SPTBN4: variants seen among roughly 807,000 people sequenced by gnomAD.
SPTBN4 encodes the protein spectrin beta, non-erythrocytic 4, also known as spectrin beta chain, non-erythrocytic 4.
SPTBN4 carries 96 observed loss-of-function variants against 277.8 expected under a neutral mutation model. That is an observed-to-expected ratio of 0.35 (90% CI 0.29 to 0.41). The LOEUF (loss-of-function observed/expected upper bound fraction) is 0.41. Among genes scored for constraint, SPTBN4 ranks in the 10% least tolerant of loss-of-function variants. SPTBN4 has a pLI of 1.00. For missense variants in SPTBN4, 3,006 were observed against 3,595.7 expected, an observed-to-expected ratio of 0.84 and a Z score of 4.19; for synonymous variants, 1,481 against 1,580.3, an observed-to-expected ratio of 0.94 and a Z score of 1.49.
At chr19:40,556,990 T>C in intron 25 of SPTBN4, 33 bp from the exon 26 acceptor site, 1 of 1,520,674 alleles carries the variant, frequency 6.6e-7, no homozygotes, top group Non-Finnish European at 8.8e-7. Flanking sequence ...TTGCTCACTT[T>C]GCTGTACCCC....
chr19:40,498,412 TA>T (rs2080225956), intron 7 of SPTBN4, among the ~76,000 whole-genome samples: 1 of 150,500 alleles, frequency 6.6e-6, no homozygotes, highest in African/African-American at 2.4e-5. Flanking sequence ...TTTATTTATT[TA>T]TTTATTTTTT....
rs1459724034 is a variant in SPTBN4 at position 40,525,117 on chromosome 19, C to G, written c.3857+1478C>G. 5.3e-5 allele frequency among the ~76,000 whole-genome samples: 8 copies of G among 152,080 alleles called. No individual in the cohort carries two copies. In the East Asian group the frequency reaches 1.5e-3, roughly 29 times the overall value. On this transcript the variant is annotated intron_variant, in intron 17 of 35. Transcript: ENST00000598249. Reference sequence around the variant, plus strand: ...TCCCATCTCCTGACAGAAAGCATCCCTGGTCACTTCACTGTGCCACCCCCA... The same window carrying G: ...TCCCATCTCCTGACAGAAAGCATCCGTGGTCACTTCACTGTGCCACCCCCA...
intron 13 of SPTBN4, among the ~76,000 whole-genome samples, chr19:40,511,190 G>T (rs1040097028): frequency 3.3e-5 from 5 of 151,982 alleles, no homozygotes; most frequent in Admixed American, 1.3e-4. Context: ...CGGATCATGA[G>T]GTCAGGAGTT....
rs71173651 is a variant in SPTBN4 at position 40,551,399 on chromosome 19, T to TCACA, written c.4674+1090_4674+1093dup. The stretch of plus-strand genomic sequence containing the variant: ...ATGAGACCCTATCTCTCTCTCTCTC[T>TCACA]CACACACACACACACACACACGTCC... On this transcript the variant is annotated intron_variant, in intron 22 of 35. Coordinates refer to ENST00000598249, the MANE Select transcript of SPTBN4 (RefSeq NM_020971.3). Among the ~76,000 whole-genome samples the TCACA allele has an allele frequency of 2.3e-3, 322 of 140,584 alleles. 1 individual carries two copies. The highest frequency in any genetic ancestry group is 7.9e-3 in the African/African-American group (308 of 38,800). 92.2% of individuals were successfully genotyped at this position (140,584 alleles called of 152,430 possible).
rs113715245 is a variant in SPTBN4 at position 40,511,249 on chromosome 19, C to CA, written c.1817-1348dup. On this transcript the variant is annotated intron_variant, in intron 13 of 35. Transcript: ENST00000598249. ...CGAAACCCCATCTCTACTAAAAATA[C>CA]AAAAAAAAATTAGCTGGACATGGTG... Among the ~76,000 whole-genome samples the CA allele has an allele frequency of 2.5e-3, 384 of 150,772 alleles. 3 individuals carry two copies. Among genetic ancestry groups the CA allele is most frequent in the Admixed American group, 4.2e-3 (64 of 15,122 alleles).
chr19:40,565,609 G>T (rs778183970), intron 28 of SPTBN4, 48 bp downstream of exon 28: 1 of 1,583,244 alleles, frequency 6.3e-7, no homozygotes, highest in Non-Finnish European at 8.6e-7. Context: ...GCACATTGGG[G>T]TGGAAGCCAT....
At chr19:40,477,337 C>T (rs1003729039) in intron 2 of SPTBN4, among the ~76,000 whole-genome samples, 5 of 152,296 alleles carry the variant, frequency 3.3e-5, no homozygotes, top group African/African-American at 1.2e-4. Context: ...GTGTGAACCA[C>T]TGGAATTTAT....
chr19:40,566,879 C>G (rs1192205776), intron 30 of SPTBN4, among the ~76,000 whole-genome samples: 1 of 151,608 alleles, frequency 6.6e-6, no homozygotes, highest in Non-Finnish European at 1.5e-5. Flanking sequence ...GCAGGATAAT[C>G]ACTTGAACTT....
intron 20 of SPTBN4, among the ~76,000 whole-genome samples, chr19:40,535,772 A>C (rs1440741786): frequency 6.6e-6 from 1 of 152,026 alleles, no homozygotes; most frequent in Non-Finnish European, 1.5e-5. Context: ...CTCTACTAAA[A>C]ACACACACAA....
rs1464093058 is a variant in SPTBN4 at position 40,554,220 on chromosome 19, C to G, written c.4748C>G (p.Ser1583Trp). The part of the protein sequence containing the change: ...EVLERAGALA[S>W]LRSPEAEAVR... ...CTGGAGCGCGCGGGCGCGCTGGCGT[C>G]GCTGCGCAGCCCGGAGGCAGAGGCA... Residue 1583 changes from serine to tryptophan, a missense_variant, in exon 23 of 36, where the codon TCG becomes TGG. Transcript: ENST00000598249. This position sits in a 1 kb window ranked among gnomAD's most constrained non-coding sequence, Gnocchi z 5.7. 6.7e-7 allele frequency: 1 copy of G among 1,497,708 alleles called. No homozygotes were observed. The highest frequency in any genetic ancestry group is 1.4e-5 in the African/African-American group (1 of 68,978). The allele number at this position is 1,497,708 out of a possible 1,614,324, so 92.8% of individuals were successfully genotyped here.
intron 20 of SPTBN4, among the ~76,000 whole-genome samples, chr19:40,543,402 C>T (rs1331544947): frequency 6.6e-6 from 1 of 152,020 alleles, no homozygotes; most frequent in Non-Finnish European, 1.5e-5. Flanking sequence ...CCACTTGGGT[C>T]ATGTGATTAC....
intron 27 of SPTBN4, among the ~76,000 whole-genome samples, chr19:40,562,130 A>C (rs1463141440): frequency 1.3e-5 from 2 of 152,084 alleles, no homozygotes; most frequent in East Asian, 3.9e-4. Flanking sequence ...ACAGAGGGGC[A>C]CTGGGGCCCT....
chr19:40,562,405 C>T (rs1184082052), intron 27 of SPTBN4, among the ~76,000 whole-genome samples: 1 of 151,956 alleles, frequency 6.6e-6, no homozygotes, highest in Non-Finnish European at 1.5e-5. Context: ...TGGCATGTGC[C>T]TGTAGTCCCA....
intron 20 of SPTBN4, among the ~76,000 whole-genome samples, chr19:40,546,939 C>T (rs999890864): frequency 6.6e-6 from 1 of 152,202 alleles, no homozygotes; most frequent in Non-Finnish European, 1.5e-5. Flanking sequence ...GATTGTTAAA[C>T]TAGTTCCTTG....
rs571044994 is a variant in SPTBN4, at chr19:40,486,901, G to T, written c.170-796G>T. On this transcript the variant is annotated intron_variant, in intron 2 of 35. Coordinates refer to ENST00000598249, the MANE Select transcript of SPTBN4 (RefSeq NM_020971.3). ...GAATGAATGACTAGAGCCAACTGGG[G>T]TCACAAGCAGGGAAGGCTTCCTGTG... is the stretch of plus-strand genomic sequence containing the variant. Among the ~76,000 whole-genome samples the T allele has an allele frequency of 2.0e-5, 3 of 152,264 alleles. No homozygotes were observed. In the East Asian group the frequency reaches 5.8e-4, roughly 29 times the overall value.
rs1392326439 is a variant in SPTBN4, at chr19:40,566,279, C to A, written c.6256C>A (p.Leu2086Ile). The stretch of plus-strand genomic sequence containing the variant: ...CAGCAGCGTGGATGAGGTGGAGCAG[C>A]TTATCCGGCGACATGAGGCCTTCCG... The part of the protein sequence containing the change: ...LGSSVDEVEQ[L>I]IRRHEAFRKA... Residue 2086 changes from leucine to isoleucine, a missense_variant, in exon 30 of 36, where the codon CTT (leucine) becomes ATT (isoleucine). This residue lies in a region of SPTBN4 where 425 missense variants were observed against 594.7 expected (regional missense o/e 0.71). Transcript: ENST00000598249. The A allele has an allele frequency of 1.3e-6, 2 of 1,588,982 alleles. No homozygotes were observed. Among genetic ancestry groups the A allele is most frequent in the Non-Finnish European group, 1.7e-6 (2 of 1,167,738 alleles).
chr19:40,485,995 A>G (rs2080068000), intron 2 of SPTBN4, among the ~76,000 whole-genome samples: 1 of 149,530 alleles, frequency 6.7e-6, no homozygotes, highest in East Asian at 2.0e-4. Flanking sequence ...AAAAAAAAAC[A>G]GTAGAGGGAA....
intron 20 of SPTBN4, among the ~76,000 whole-genome samples, chr19:40,540,296 T>C (rs896446803): frequency 6.6e-6 from 1 of 152,228 alleles, no homozygotes; most frequent in Non-Finnish European, 1.5e-5. Context: ...AAAAGCTAGT[T>C]GTTTCACCTT....
chr19:40,557,529 A>C (rs2080995653), intron 26 of SPTBN4, 126 bp downstream of exon 26: 1 of 1,103,346 alleles, frequency 9.1e-7, no homozygotes, highest in Admixed American at 3.0e-5. Flanking sequence ...AGCGGACTAC[A>C]GAACAGGAAG....
Sources: gnomAD v4.1 joint callset for allele counts (sites outside exome capture counted in the v4.1 genomes callset) on GRCh38, gnomAD v4.1.1 for gene constraint, gnomAD v4.1.1 regional missense constraint, Gnocchi (gnomAD v3.1) non-coding constraint, MANE v1.5 for transcripts, NCBI Gene and HGNC (gene_info 2026-07-23, HGNC 2026-07-21) for gene names.